The following KLHL32 variants were observed in gnomAD, a reference collection of about 807,000 sequenced individuals.
KLHL32 encodes kelch-like protein 32.
A neutral mutation model predicts 64.8 loss-of-function variants in KLHL32; 35 were observed. The ratio of observed to expected loss-of-function variants is 0.54; its 90% CI spans 0.41 to 0.72. The LOEUF (loss-of-function observed/expected upper bound fraction) is 0.72, where lower values mean the gene tolerates loss of function less well. Among genes scored for constraint, KLHL32 ranks in the 30% least tolerant of loss-of-function variants. The pLI, the probability that KLHL32 is intolerant of heterozygous loss-of-function variation, is 0.00. For synonymous variants in KLHL32, 259 were observed against 281.0 expected, an observed-to-expected ratio of 0.92 and a Z score of 0.78; for missense variants, 589 against 768.5, an observed-to-expected ratio of 0.77 and a Z score of 2.76.
chr6:96,988,337 A>G (rs1777382906), intron 3 of KLHL32, among the ~76,000 whole-genome samples: 1 of 152,226 alleles, frequency 6.6e-6, no homozygotes, highest in East Asian at 1.9e-4. Flanking sequence ...TATGCAGCCA[A>G]AAGACACATG....
In KLHL32 at chr6:97,063,892, G is replaced by C. The variant is rs150955051; in HGVS notation, c.313-736G>C. 2.2e-3 allele frequency among the ~76,000 whole-genome samples: 340 copies of C among 152,268 alleles called. 1 individual carries two copies. Among genetic ancestry groups the C allele is most frequent in the African/African-American group, 7.6e-3 (317 of 41,528 alleles). ...TCATGTGAATTTTGTCAACATGGTC[G>C]TGTGCCTTTTTTCCAGCCCTGATCA... is the stretch of plus-strand genomic sequence containing the variant. On this transcript the variant is annotated intron_variant, in intron 4 of 10. Coordinates refer to ENST00000369261, the MANE Select transcript of KLHL32 (RefSeq NM_052904.4).
intron 3 of KLHL32, among the ~76,000 whole-genome samples, chr6:97,001,897 T>A (rs1316710999): frequency 6.6e-6 from 1 of 152,168 alleles, no homozygotes; most frequent in African/African-American, 2.4e-5. Flanking sequence ...AAGAAGAGCG[T>A]TATACTGATG....
At chr6:97,136,307 A>G (rs1279312869) in intron 10 of KLHL32, among the ~76,000 whole-genome samples, 1 of 152,204 alleles carries the variant, frequency 6.6e-6, no homozygotes, top group African/African-American at 2.4e-5. Flanking sequence ...CAGTGGGATG[A>G]AGCATGTCCA....
upstream of KLHL32, chr6:96,924,703 C>G (rs1311449600): frequency 3.3e-5 from 5 of 152,290 alleles, no homozygotes; most frequent in African/African-American, 9.6e-5. Context: ...GGACGTGCCA[C>G]CTGCAGTGCT....
intron 4 of KLHL32, among the ~76,000 whole-genome samples, chr6:97,045,322 T>C (rs543310255): frequency 2.0e-5 from 3 of 152,314 alleles, no homozygotes; most frequent in African/African-American, 7.2e-5. Flanking sequence ...TGTTTTTTGG[T>C]TTACAGATGT....
chr6:96,932,950 C>T (rs187818421), intron 1 of KLHL32, among the ~76,000 whole-genome samples: 7 of 152,230 alleles, frequency 4.6e-5, no homozygotes, highest in Admixed American at 4.6e-4. Context: ...TAATTATTGT[C>T]ATTACATTTT....
intron 1 of KLHL32, among the ~76,000 whole-genome samples, chr6:96,927,039 G>A (rs1769250096): frequency 1.3e-5 from 2 of 152,118 alleles, no homozygotes; most frequent in African/African-American, 4.8e-5. Context: ...TCTAATAAAT[G>A]CTCTACCTTT....
At chr6:97,109,179 T>TAC (rs1318143000) in intron 6 of KLHL32, among the ~76,000 whole-genome samples, 1 of 152,220 alleles carries the variant, frequency 6.6e-6, no homozygotes, top group African/African-American at 2.4e-5. Flanking sequence ...GTAATTTGTG[T>TAC]ACATGTTAAG....
In KLHL32 at chr6:97,093,891, G is replaced by A. The variant is rs534292958; in HGVS notation, c.627+8550G>A. Among the ~76,000 whole-genome samples the A allele has an allele frequency of 2.6e-5, 4 of 152,292 alleles. No homozygotes were observed. In the South Asian group the frequency reaches 8.3e-4, roughly 32 times the overall value. On this transcript the variant is annotated intron_variant, in intron 6 of 10. Transcript: ENST00000369261. Reference sequence around the variant, plus strand: ...AAATTAGAGTAAAAAAGAACCTGGAGTGCCATTATTTCTGTTGCAGTGACA... The same window carrying A: ...AAATTAGAGTAAAAAAGAACCTGGAATGCCATTATTTCTGTTGCAGTGACA...
rs140685651 is a variant in KLHL32, at chr6:97,016,494, C to T, written c.205-24998C>T. 4.2e-3 allele frequency among the ~76,000 whole-genome samples: 642 copies of T among 152,270 alleles called. 2 individuals carry two copies. The highest frequency in any genetic ancestry group is 0.014 in the African/African-American group (595 of 41,560). ...TTTGGCCAATTTCTCACTTTTGGAA[C>T]GAGTGTATTTACCCAATGCTTGTAC... On this transcript the variant is annotated intron_variant, in intron 3 of 10. Transcript: ENST00000369261.
intron 4 of KLHL32, among the ~76,000 whole-genome samples, chr6:97,055,843 C>T (rs1582868407): frequency 7.7e-6 from 1 of 129,136 alleles, no homozygotes; most frequent in Non-Finnish European, 1.7e-5. Context: ...TTTCTATATT[C>T]CTCTTGAGCT....
chr6:96,988,994 A>G (rs975275323), intron 3 of KLHL32, among the ~76,000 whole-genome samples: 1 of 152,238 alleles, frequency 6.6e-6, no homozygotes. Context: ...TAGGAGATAT[A>G]CCTAATGTTA....
chr6:97,044,908 C>T (rs1737652), intron 4 of KLHL32, among the ~76,000 whole-genome samples: 38,229 of 150,498 alleles, frequency 0.25, 6,160 homozygotes, highest in African/African-American at 0.45. Context: ...CGTTTTTTTT[C>T]TTAGTCTGGC....
At chr6:97,056,104 T>G (rs1327105330) in intron 4 of KLHL32, among the ~76,000 whole-genome samples, 2 of 110,076 alleles carry the variant, frequency 1.8e-5, no homozygotes, top group African/African-American at 3.8e-5. Context: ...TTCTTTTTTT[T>G]TCTTTTTTTT....
At chr6:96,900,936 G>T in the KLHL32 span, among the ~76,000 whole-genome samples, 1 of 152,178 alleles carries the variant, frequency 6.6e-6, no homozygotes, top group Non-Finnish European at 1.5e-5. Flanking sequence ...AATTTACAAG[G>T]TTCCCAAGTT....
intron 3 of KLHL32, chr6:96,994,715 GA>G (rs1467185521): frequency 2.4e-6 from 2 of 825,072 alleles, no homozygotes; most frequent in South Asian, 1.1e-4. Context: ...AAAAGAAAGT[GA>G]AAAAACACAT....
At chr6:96,919,553 G>C in the KLHL32 span, among the ~76,000 whole-genome samples, 1 of 152,064 alleles carries the variant, frequency 6.6e-6, no homozygotes, top group African/African-American at 2.4e-5. Flanking sequence ...AATTTTGCTT[G>C]ATTAATTTTA....
chr6:96,922,603 T>G (rs1289970707), upstream of KLHL32, among the ~76,000 whole-genome samples: 1 of 152,206 alleles, frequency 6.6e-6, no homozygotes, highest in Admixed American at 6.5e-5. Flanking sequence ...CTACATGGAT[T>G]ATACCACCTA....
intron 7 of KLHL32, among the ~76,000 whole-genome samples, chr6:97,126,063 G>T (rs1010856103): frequency 2.0e-5 from 3 of 152,102 alleles, no homozygotes; most frequent in African/African-American, 7.2e-5. Context: ...GAATGTTAAG[G>T]CCCTCTTGGT....
Sources: gnomAD v4.1 joint callset for allele counts (sites outside exome capture counted in the v4.1 genomes callset) on GRCh38, gnomAD v4.1.1 for gene constraint, MANE v1.5 for transcripts, NCBI Gene and HGNC (gene_info 2026-07-23, HGNC 2026-07-21) for gene names.